COL16A1: variants seen among roughly 807,000 people sequenced by gnomAD.
COL16A1 encodes the protein collagen type XVI alpha 1 chain.
A neutral mutation model predicts 266.3 loss-of-function variants in COL16A1; 189 were observed. The ratio of observed to expected loss-of-function variants is 0.71; its 90% CI spans 0.63 to 0.80. The LOEUF (loss-of-function observed/expected upper bound fraction) is 0.80, where lower values mean the gene tolerates loss of function less well. Among genes scored for constraint, COL16A1 ranks in the 30% least tolerant of loss-of-function variants. The pLI, the probability that COL16A1 is intolerant of heterozygous loss-of-function variation, is 0.00. For synonymous variants in COL16A1, 740 were observed against 782.3 expected, an observed-to-expected ratio of 0.95 and a Z score of 0.90; for missense variants, 1,928 against 2,122.4, an observed-to-expected ratio of 0.91 and a Z score of 1.80.
chr1:31,655,579 C>G lies in COL16A1; in HGVS notation c.4102-77G>C, dbSNP rs1570330519. The G allele has an allele frequency of 1.2e-5, 19 of 1,576,534 alleles. No homozygotes were observed. In the East Asian group the frequency reaches 4.3e-4, roughly 35 times the overall value. On this transcript the variant is annotated intron_variant, in intron 66 of 70. Transcript: ENST00000373672. ...AATCTGCTCTTTTCTCTCCACCCTC[C>G]CACCAGGCCCCCAGCGTCTCCCTCT...
rs1336766193 is a variant in COL16A1, at chr1:31,672,953, C to T, written c.2860-113G>A. 2.3e-5 allele frequency: 22 copies of T among 963,216 alleles called. No homozygotes were observed. In the East Asian group the frequency reaches 5.7e-4, roughly 25 times the overall value. 59.7% of individuals were successfully genotyped at this position (963,216 alleles called of 1,614,324 possible). ...CAGGGCTCCCTGCCCTGCCGTCTTC[C>T]CTCCTCCCACACTCCCTCCCTCCCC... On this transcript the variant is annotated intron_variant, in intron 44 of 70. Transcript: ENST00000373672.
intron 10 of COL16A1, 123 bp downstream of exon 10, chr1:31,695,638 C>T: frequency 1.0e-6 from 1 of 967,588 alleles, no homozygotes. Flanking sequence ...GCATCAGGCC[C>T]TCAAGGAATG....
chr1:31,688,455 CCCAGGTCTCACCTTCTCT>C lies in COL16A1; in HGVS notation c.1797_1803+11del. 6.2e-7 allele frequency: 1 copy of C among 1,614,118 alleles called. No individual in the cohort carries two copies. Among genetic ancestry groups the C allele is most frequent in the Non-Finnish European group, 8.5e-7 (1 of 1,180,004 alleles). On this transcript the variant is annotated splice_donor_variant and splice_donor_5th_base_variant and coding_sequence_variant and intron_variant, in exon 26 of 71. Coordinates refer to ENST00000373672, the MANE Select transcript of COL16A1 (RefSeq NM_001856.4). LOFTEE classifies it high-confidence loss of function. This position sits in a 1 kb window ranked among gnomAD's most constrained non-coding sequence, Gnocchi z 4.9. ...AAACTCCAGTGTCCCTGACATCTAA[CCCAGGTCTCACCTTCTCT>C]CCTTTCAGCCCTGGAACCCCAGCTC...
Position 31,675,038 on chromosome 1 carries a change from C to G in COL16A1, c.2828G>C (p.Gly943Ala). Residue 943 changes from glycine (G) to alanine (A), a missense_variant and splice_region_variant, in exon 44 of 71, where the codon GGA (glycine) becomes GCA (alanine). By Grantham distance (60) the Gly-to-Ala change is moderately conservative (BLOSUM62 0). Around this residue, in one of 2 missense-constraint regions of COL16A1, gnomAD observed 1,552 missense variants for 1,637.2 expected, o/e 0.95. Coordinates refer to ENST00000373672, the MANE Select transcript of COL16A1 (RefSeq NM_001856.4). ...PGQPGLTAELGSLPIEQHLLK... is the reference protein window; with the variant it reads ...PGQPGLTAELASLPIEQHLLK... Reference sequence around the variant, plus strand: ...GAGGTGCTGTTCAATTGGTAAGGATCCCTGCAAGAGACAGATGTGTGGGCT... The same window carrying G: ...GAGGTGCTGTTCAATTGGTAAGGATGCCTGCAAGAGACAGATGTGTGGGCT... The G allele has an allele frequency of 6.2e-7, 1 of 1,613,262 alleles. No homozygotes were observed. The highest frequency in any genetic ancestry group is 8.5e-7 in the Non-Finnish European group (1 of 1,179,616).
In COL16A1 at chr1:31,684,216, C is replaced by G; in HGVS notation, c.2176G>C (p.Ala726Pro). 1 of 1,505,196 alleles carries G rather than the reference C, an allele frequency of 6.6e-7. No homozygotes were observed. Among genetic ancestry groups the G allele is most frequent in the Non-Finnish European group, 8.9e-7 (1 of 1,124,328 alleles). 93.2% of individuals were successfully genotyped at this position (1,505,196 alleles called of 1,614,324 possible). A position where few individuals can be genotyped will look rare whatever the true frequency, so the allele number is the denominator to read the frequency against. The change falls in exon 32 of 71, where the codon GCC becomes CCC. Residue 726 changes from alanine to proline, a missense_variant. Transcript: ENST00000373672. ...ACTGTCCCCTGCAGGCTGGGGCAGG[C>G]AGTGCAGCCATCACCCTGGTCAGAG... ...PKGEKGDGCT[A>P]CPSLQGTVTD... is the part of the protein sequence containing the mutation.
intron 2 of COL16A1, among the ~76,000 whole-genome samples, chr1:31,700,822 G>C (rs931443334): frequency 6.6e-6 from 1 of 152,202 alleles, no homozygotes; most frequent in Non-Finnish European, 1.5e-5. Context: ...ACAAGCTCAA[G>C]GGTACCACCA....
At chr1:31,692,313 G>C (rs972404084) in intron 16 of COL16A1, among the ~76,000 whole-genome samples, 161 bp downstream of exon 16, 1 of 151,808 alleles carries the variant, frequency 6.6e-6, no homozygotes, top group African/African-American at 2.4e-5. Context: ...GTATTTGGAC[G>C]AGGCAGGGTG....
intron 26 of COL16A1, among the ~76,000 whole-genome samples, chr1:31,686,750 G>A (rs1483655390): frequency 1.3e-5 from 2 of 152,224 alleles, no homozygotes; most frequent in Non-Finnish European, 2.9e-5. Flanking sequence ...TCAGAGAGGT[G>A]TTAACCCTGA....
Position 31,657,068 on chromosome 1 carries a change from C to T in COL16A1, c.4021G>A (p.Gly1341Ser). 1 of 1,614,184 alleles carries T rather than the reference C, an allele frequency of 6.2e-7. No homozygotes were observed. The highest frequency in any genetic ancestry group is 8.5e-7 in the Non-Finnish European group (1 of 1,180,030). The change falls in exon 65 of 71, where the codon GGC (glycine) becomes AGC (serine). Residue 1341 changes from glycine to serine, a missense_variant and splice_region_variant. Gly to Ser is a moderately conservative substitution (Grantham distance 56). Transcript: ENST00000373672. The surrounding 1 kb of genome is among the most constrained non-coding windows in gnomAD (Gnocchi z 6.4). ...GCTGCACCATCCGTACCAGGTTCGC[C>T]CTGGGGAGTAGAGAGCAATGGAGAC... ...PGPPGHPGPP[G>S]EPGTDGAAGK...
At chr1:31,689,906 G>A (rs921154223) in intron 22 of COL16A1, 55 bp from the exon 23 acceptor site, 1 of 1,510,980 alleles carries the variant, frequency 6.6e-7, no homozygotes, top group Non-Finnish European at 9.2e-7. Flanking sequence ...CCCCAGGGAA[G>A]GCAAGGGGCC....
chr1:31,672,700 G>A, intron 45 of COL16A1, 24 bp downstream of exon 45: 6 of 1,612,406 alleles, frequency 3.7e-6, no homozygotes, highest in Non-Finnish European at 5.1e-6. Context: ...CCTGCATAGG[G>A]CAGCCCCAAG....
In COL16A1 at chr1:31,685,995, C is replaced by A. The variant is rs752866389; in HGVS notation, c.1884+96G>T. ...AAGGAGTCAGACTCTGCCCGACAGA[C>A]AGCAAGGAGCCCCAGAGGGTTCGAA... On this transcript the variant is annotated intron_variant, in intron 28 of 70. Transcript: ENST00000373672. The surrounding 1 kb of genome is among the most constrained non-coding windows in gnomAD (Gnocchi z 4.0). The A allele has an allele frequency of 1.3e-4, 197 of 1,557,494 alleles. No individual in the cohort carries two copies. Among genetic ancestry groups the A allele is most frequent in the Middle Eastern group, 3.8e-4 (2 of 5,292 alleles).
intron 49 of COL16A1, among the ~76,000 whole-genome samples, chr1:31,669,331 CA>C (rs1421781541): frequency 2.0e-5 from 3 of 151,834 alleles, no homozygotes; most frequent in Non-Finnish European, 4.4e-5. Flanking sequence ...CCACCCCAAG[CA>C]AAAATCACTT....
rs753874847 is a variant in COL16A1, at chr1:31,668,882, G to A, written c.3196-27C>T. 2.5e-6 allele frequency: 4 copies of A among 1,607,710 alleles called. No homozygotes were observed. In the South Asian group the frequency reaches 4.4e-5, roughly 18 times the overall value. ...TTGGAGAGAAAAATCATGAGAAACT[G>A]CAGGAGCCGGCGGTCCCCACCCAGC... On this transcript the variant is annotated intron_variant, in intron 49 of 70. Transcript: ENST00000373672. The surrounding 1 kb of genome is among the most constrained non-coding windows in gnomAD (Gnocchi z 5.8).
At chr1:31,683,584 C>T in intron 34 of COL16A1, 123 bp downstream of exon 34, 1 of 1,590,966 alleles carries the variant, frequency 6.3e-7, no homozygotes, top group Non-Finnish European at 8.6e-7. Flanking sequence ...GATCCCTGGT[C>T]CCAGAACTAA....
chr1:31,657,166 AC>A lies in COL16A1; in HGVS notation c.4021-99del. The A allele has an allele frequency of 6.7e-7, 1 of 1,487,516 alleles. No individual in the cohort carries two copies. The highest frequency in any genetic ancestry group is 2.3e-5 in the East Asian group (1 of 44,110). 92.1% of individuals were successfully genotyped at this position (1,487,516 alleles called of 1,614,324 possible). On this transcript the variant is annotated intron_variant, in intron 64 of 70. Transcript: ENST00000373672. This position sits in a 1 kb window ranked among gnomAD's most constrained non-coding sequence, Gnocchi z 6.4. The stretch of plus-strand genomic sequence containing the variant: ...TGGGGCAAGCCCAGCCCCCTGTTCC[AC>A]CCAGAGGCCACGATCCTCCAGCCCT...
chr1:31,671,196 C>A (rs1218846172), intron 48 of COL16A1, among the ~76,000 whole-genome samples: 2 of 152,232 alleles, frequency 1.3e-5, no homozygotes, highest in African/African-American at 4.8e-5. Context: ...ACAGCTCCAT[C>A]TTAGCCCCGA....
In COL16A1 at chr1:31,670,558, G is replaced by A. The variant is rs1018052420; in HGVS notation, c.3195+44C>T. ...AGACAAGCAAAAGCCACAGAGACCT[G>A]GCTGACGGGGGGGAGGGGAGGTCGA... On this transcript the variant is annotated intron_variant, in intron 49 of 70. Coordinates refer to ENST00000373672, the MANE Select transcript of COL16A1 (RefSeq NM_001856.4). The surrounding 1 kb of genome is among the most constrained non-coding windows in gnomAD (Gnocchi z 4.5). The A allele has an allele frequency of 1.4e-5, 19 of 1,358,310 alleles. No individual in the cohort carries two copies. In the African/African-American group the frequency reaches 2.6e-4, roughly 19 times the overall value. The allele number at this position is 1,358,310 out of a possible 1,614,324, so 84.1% of individuals were successfully genotyped here.
In COL16A1 at chr1:31,668,910, C is replaced by A; in HGVS notation, c.3196-55G>T. 1 of 1,525,474 alleles carries A rather than the reference C, an allele frequency of 6.6e-7. No individual in the cohort carries two copies. The allele number at this position is 1,525,474 out of a possible 1,614,324, so 94.5% of individuals were successfully genotyped here. A position where few individuals can be genotyped will look rare whatever the true frequency, so the allele number is the denominator to read the frequency against. ...GGAGCCGGCGGTCCCCACCCAGCCC[C>A]TGACTCCTTCCCCCTGCCCCACTGC... On this transcript the variant is annotated intron_variant, in intron 49 of 70. Transcript: ENST00000373672. This position sits in a 1 kb window ranked among gnomAD's most constrained non-coding sequence, Gnocchi z 5.8.
Sources: allele counts gnomAD v4.1 joint callset (sites outside exome capture counted in the v4.1 genomes callset), GRCh38; gene constraint gnomAD v4.1.1; regional missense constraint gnomAD v4.1.1; non-coding constraint Gnocchi (gnomAD v3.1); transcripts MANE v1.5; gene names NCBI Gene and HGNC (gene_info 2026-07-23, HGNC 2026-07-21).